Variants in SYCE1L observed in about 807,000 individuals in gnomAD.
SYCE1L encodes synaptonemal complex central element protein 1-like.
SYCE1L carries 51 observed loss-of-function variants against 39.6 expected under a neutral mutation model. The ratio of observed to expected loss-of-function variants is 1.29; its 90% CI spans 1.03 to 1.63. The LOEUF is 1.63. Among genes scored for constraint, SYCE1L ranks in the 40% most tolerant of loss-of-function variants. The pLI, the probability that SYCE1L is intolerant of heterozygous loss-of-function variation, is 0.00. For synonymous variants in SYCE1L, 147 were observed against 122.4 expected (o/e 1.20, Z -1.33); for missense variants, 426 against 304.9 (o/e 1.40, Z -2.96).
chr16:77,199,685 A>T (rs2054709562), intron 1 of SYCE1L, 173 bp downstream of exon 1: 2 of 577,368 alleles, frequency 3.5e-6, no homozygotes, highest in Non-Finnish European at 6.1e-6. Flanking sequence ...AGTGGAGATA[A>T]ATTAACAGGC....
In SYCE1L at chr16:77,207,613, T is replaced by A. The variant is rs1403656200; in HGVS notation, c.122-597T>A. On this transcript the variant is annotated intron_variant, in intron 2 of 10. Coordinates refer to ENST00000378644, the MANE Select transcript of SYCE1L (RefSeq NM_001129979.3). ...GGGCGGGGCAGATGGGACGTCTCCA[T>A]TGGCTCACACCACACTCAGAGTTAC... Among the ~76,000 whole-genome samples, 3 of 152,282 alleles carry A rather than the reference T, an allele frequency of 2.0e-5. No individual in the cohort carries two copies. The East Asian group carries it at 5.8e-4, about 29-fold the overall frequency.
intron 4 of SYCE1L, 112 bp from the exon 5 acceptor site, chr16:77,208,985 C>T (rs1337820616): frequency 4.0e-5 from 47 of 1,184,154 alleles, no homozygotes; most frequent in Non-Finnish European, 5.5e-5. Flanking sequence ...GAAGATACCT[C>T]ACCTCTCCTA....
At chr16:77,204,765 C>A (rs754352532) in intron 1 of SYCE1L, among the ~76,000 whole-genome samples, 4 of 152,098 alleles carry the variant, frequency 2.6e-5, no homozygotes, top group Non-Finnish European at 5.9e-5. Flanking sequence ...TGGGATGTGG[C>A]CGGCTGCGGT....
chr16:77,199,880 A>G (rs1254999446), intron 1 of SYCE1L: 2 of 184,072 alleles, frequency 1.1e-5, no homozygotes, highest in Admixed American at 5.8e-5. Flanking sequence ...TTTCACACCT[A>G]ACACATATGA....
chr16:77,199,602 T>C (rs2054708487), intron 1 of SYCE1L, 90 bp downstream of exon 1: 1 of 1,065,240 alleles, frequency 9.4e-7, no homozygotes. Flanking sequence ...GAAATAATGA[T>C]ATTCTAATTT....
In SYCE1L at chr16:77,199,445, T is replaced by A. The variant is rs931232480; in HGVS notation, c.-7T>A. The stretch of plus-strand genomic sequence containing the variant: ...GCGAGGCTCGCGCGCAGGCCCCGCG[T>A]TGGAAAATGGCGGGGAAGCTGAAAC... On this transcript the variant is annotated 5_prime_UTR_variant, in exon 1 of 11. The change creates a new upstream start codon in the 5' untranslated region. Transcript: ENST00000378644. 4.5e-6 allele frequency: 7 copies of A among 1,551,162 alleles called. No homozygotes were observed. The highest frequency in any genetic ancestry group is 3.9e-5 in the Admixed American group (2 of 50,958).
Position 77,211,410 on chromosome 16 carries a change from A to G in SYCE1L, c.423+134A>G, listed in dbSNP as rs536239665. 1.4e-4 allele frequency: 142 copies of G among 1,048,128 alleles called. No homozygotes were observed. The African/African-American group carries it at 1.8e-3, about 14-fold the overall frequency. 64.9% of individuals were successfully genotyped at this position (1,048,128 alleles called of 1,614,324 possible). On this transcript the variant is annotated intron_variant, in intron 7 of 10. Coordinates refer to ENST00000378644, the MANE Select transcript of SYCE1L (RefSeq NM_001129979.3). ...CTTGATTCCTTGCTTCCGCTTGCCCACCTATTCAGTCCCTCAGCTTTTATC... is the reference window on the plus strand; with the variant it reads ...CTTGATTCCTTGCTTCCGCTTGCCCGCCTATTCAGTCCCTCAGCTTTTATC...
chr16:77,211,140 C>G (rs2054819349), intron 6 of SYCE1L, 73 bp from the exon 7 acceptor site: 1 of 1,499,594 alleles, frequency 6.7e-7, no homozygotes, highest in African/African-American at 1.4e-5. Flanking sequence ...ATCTGAAGGC[C>G]TGTGCATGAG....
At chr16:77,212,028 C>T (rs991756109) in intron 7 of SYCE1L, 102 bp from the exon 8 acceptor site, 33 of 1,269,868 alleles carry the variant, frequency 2.6e-5, no homozygotes, top group Non-Finnish European at 3.5e-5. Flanking sequence ...GAATGAATGA[C>T]CTAATGTAGG....
chr16:77,210,182 G>A (rs2054812828), intron 6 of SYCE1L, among the ~76,000 whole-genome samples: 1 of 152,136 alleles, frequency 6.6e-6, no homozygotes, highest in Non-Finnish European at 1.5e-5. Context: ...TGAGATTACA[G>A]GCATGTGCCA....
rs2054819852 is a variant in SYCE1L at position 77,211,202 on chromosome 16, T to C, written c.360-11T>C. The C allele has an allele frequency of 1.3e-6, 2 of 1,551,756 alleles. No individual in the cohort carries two copies. The highest frequency in any genetic ancestry group is 3.9e-5 in the Admixed American group (2 of 50,968). On this transcript the variant is annotated splice_polypyrimidine_tract_variant and intron_variant, in intron 6 of 10. Transcript: ENST00000378644. ...GCATGTGTTCTCTTATTCCTGGGTG[T>C]CGGCCTCCAGGTTGGATGTCAGAGG...
intron 1 of SYCE1L, 163 bp downstream of exon 1, chr16:77,199,675 A>G: frequency 1.7e-6 from 1 of 600,124 alleles, no homozygotes. Context: ...CGTTCAGCAC[A>G]GTGGAGATAA....
rs1042369694 is a variant in SYCE1L at position 77,213,190 on chromosome 16, A to G, written c.*259A>G. 2 of 379,802 alleles carry G rather than the reference A, an allele frequency of 5.3e-6. No individual in the cohort carries two copies. Among genetic ancestry groups the G allele is most frequent in the Non-Finnish European group, 9.3e-6 (2 of 214,204 alleles). 23.5% of individuals were successfully genotyped at this position (379,802 alleles called of 1,614,324 possible). Reference sequence around the variant, plus strand: ...TCAGTATCCCCCGCCCCACGGCCTCATCTCGAGTTCCCAAACCATCTATGT... The same window carrying G: ...TCAGTATCCCCCGCCCCACGGCCTCGTCTCGAGTTCCCAAACCATCTATGT... On this transcript the variant is annotated 3_prime_UTR_variant, in exon 11 of 11. Coordinates refer to ENST00000378644, the MANE Select transcript of SYCE1L (RefSeq NM_001129979.3).
In SYCE1L at chr16:77,208,559, G is replaced by A; in HGVS notation, c.256+20G>A. The A allele has an allele frequency of 1.3e-6, 2 of 1,551,326 alleles. No homozygotes were observed. Among genetic ancestry groups the A allele is most frequent in the Non-Finnish European group, 1.7e-6 (2 of 1,146,750 alleles). On this transcript the variant is annotated intron_variant, in intron 4 of 10. Transcript: ENST00000378644. The stretch of plus-strand genomic sequence containing the variant: ...ACTCCTGTAAGTGGGGCCAAAAGAG[G>A]GACCCATCAACACTGCAGATGTTCC...
At position 77,212,133 on chromosome 16, in the gene SYCE1L, C is replaced by T; in HGVS notation, c.427C>T (p.Leu143=). 1 of 1,548,466 alleles carries T rather than the reference C, an allele frequency of 6.5e-7. No individual in the cohort carries two copies. Among genetic ancestry groups the T allele is most frequent in the Non-Finnish European group, 8.7e-7 (1 of 1,146,162 alleles). The change falls in exon 8 of 11, where the codon CTG becomes TTG. Residue 143 remains leucine (L), a synonymous_variant. Coordinates refer to ENST00000378644, the MANE Select transcript of SYCE1L (RefSeq NM_001129979.3). The stretch of plus-strand genomic sequence containing the variant: ...GGCCTCCTCTTTGTCCTCGCAGATG[C>T]TGGAGCAGCGACTGGCCCGGGAGAT... The part of the protein sequence containing the change: ...QHKDLWEFHM[L]EQRLAREIRA...
At chr16:77,212,407 G>A in intron 9 of SYCE1L, 38 bp downstream of exon 9, 2 of 1,532,028 alleles carry the variant, frequency 1.3e-6, no homozygotes, top group East Asian at 2.5e-5. Flanking sequence ...GGAGGGCAGG[G>A]GCAGGGCGGA....
At chr16:77,202,692 G>T (rs55975731) in intron 1 of SYCE1L, among the ~76,000 whole-genome samples, 31,813 of 152,122 alleles carry the variant, frequency 0.21, 3,812 homozygotes, top group East Asian at 0.45. Context: ...ATTGGGGTCA[G>T]CTAAGAAAAT....
chr16:77,201,183 A>T (rs2054738613), intron 1 of SYCE1L: 1 of 152,228 alleles, frequency 6.6e-6, no homozygotes, highest in Admixed American at 6.5e-5. Context: ...CCAATGAAAT[A>T]ACTTCAAGAG....
intron 6 of SYCE1L, among the ~76,000 whole-genome samples, chr16:77,209,818 C>A (rs998638453): frequency 6.6e-6 from 1 of 152,192 alleles, no homozygotes; most frequent in Admixed American, 6.5e-5. Flanking sequence ...ACCCATTCAT[C>A]TATCCACCCA....
Sources: allele counts gnomAD v4.1 joint callset (sites outside exome capture counted in the v4.1 genomes callset), GRCh38; gene constraint gnomAD v4.1.1; transcripts MANE v1.5; gene names NCBI Gene and HGNC (gene_info 2026-07-23, HGNC 2026-07-21).